KCNIP4: variants seen among roughly 807,000 people sequenced by gnomAD.
The protein encoded by KCNIP4 is Kv channel-interacting protein 4.
A neutral mutation model predicts 34.0 loss-of-function variants in KCNIP4; 12 were observed. That is an observed-to-expected ratio of 0.35 (90% CI 0.23 to 0.57). The LOEUF is 0.57. KCNIP4 is among the 20% of genes least tolerant of loss of function. The pLI is 0.83. For missense variants in KCNIP4, 238 were observed against 311.7 expected, an observed-to-expected ratio of 0.76 and a Z score of 1.78; for synonymous variants, 124 against 102.2, an observed-to-expected ratio of 1.21 and a Z score of -1.29.
chr4:21,433,129 G>A (rs1272837277), intron 1 of KCNIP4, among the ~76,000 whole-genome samples: 1 of 152,128 alleles, frequency 6.6e-6, no homozygotes, highest in African/African-American at 2.4e-5. Flanking sequence ...AGTAGGTGGA[G>A]TATAATTTAC....
chr4:21,617,616 A>G (rs1744696546), intron 1 of KCNIP4, among the ~76,000 whole-genome samples: 1 of 152,182 alleles, frequency 6.6e-6, no homozygotes, highest in Admixed American at 6.5e-5. Flanking sequence ...TTTTTACTTT[A>G]ATGTCTCCTA....
chr4:21,945,918 G>C (rs1352133794), intron 1 of KCNIP4, among the ~76,000 whole-genome samples: 2 of 150,760 alleles, frequency 1.3e-5, no homozygotes, highest in Non-Finnish European at 2.9e-5. Flanking sequence ...TTCTCTACTT[G>C]TATGTACTTA....
chr4:21,293,318 T>TG (rs1477581538), intron 1 of KCNIP4, among the ~76,000 whole-genome samples: 2 of 152,172 alleles, frequency 1.3e-5, no homozygotes, highest in Non-Finnish European at 1.5e-5. Flanking sequence ...AACTCTTAAA[T>TG]GAAGGAGGTA....
At chr4:20,998,359 G>A (rs1267388809) in intron 1 of KCNIP4, among the ~76,000 whole-genome samples, 1 of 152,144 alleles carries the variant, frequency 6.6e-6, no homozygotes, top group African/African-American at 2.4e-5. Context: ...GTGTGTACAG[G>A]GGCCATTTCT....
At chr4:21,443,286 T>C (rs1260583591) in intron 1 of KCNIP4, among the ~76,000 whole-genome samples, 1 of 152,148 alleles carries the variant, frequency 6.6e-6, no homozygotes, top group Non-Finnish European at 1.5e-5. Context: ...TTGCATGGCC[T>C]GAAAGTCCTG....
At chr4:21,540,000 A>G (rs915564571) in intron 1 of KCNIP4, among the ~76,000 whole-genome samples, 1 of 52,540 alleles carries the variant, frequency 1.9e-5, no homozygotes, top group African/African-American at 5.6e-5. Context: ...ACAAACAGAC[A>G]AAAAAAAAAA....
intron 1 of KCNIP4, among the ~76,000 whole-genome samples, chr4:21,556,960 C>T (rs1373868586): frequency 9.6e-6 from 1 of 104,570 alleles, no homozygotes; most frequent in Admixed American, 9.2e-5. Flanking sequence ...AACAAAAATG[C>T]ATCAGTAGAC....
chr4:21,890,150 T>A (rs1010764291), intron 1 of KCNIP4, among the ~76,000 whole-genome samples: 2 of 152,158 alleles, frequency 1.3e-5, no homozygotes, highest in Non-Finnish European at 2.9e-5. Flanking sequence ...CCGTATGTTA[T>A]AATTCACATC....
chr4:20,756,419 A>T (rs1244495213), intron 4 of KCNIP4, among the ~76,000 whole-genome samples: 1 of 152,036 alleles, frequency 6.6e-6, no homozygotes, highest in African/African-American at 2.4e-5. Flanking sequence ...TCTATCCTAA[A>T]GCTATTAACA....
chr4:21,774,062 G>A (rs10006785), intron 1 of KCNIP4, among the ~76,000 whole-genome samples: 55,921 of 151,576 alleles, frequency 0.37, 12,161 homozygotes, highest in Non-Finnish European at 0.51. Context: ...CTGTTTTTGC[G>A]GTGACTGGTA....
At chr4:21,573,393 T>C (rs1166676027) in intron 1 of KCNIP4, among the ~76,000 whole-genome samples, 1 of 152,198 alleles carries the variant, frequency 6.6e-6, no homozygotes, top group Non-Finnish European at 1.5e-5. Context: ...TTTTTCTCTC[T>C]TAAGCACCTT....
In KCNIP4 at chr4:20,934,859, T is replaced by C. The variant is rs193018331; in HGVS notation, c.62-52150A>G. Among the ~76,000 whole-genome samples, 344 of 152,320 alleles carry C rather than the reference T, an allele frequency of 2.3e-3. 2 individuals carry two copies. The highest frequency in any genetic ancestry group is 0.01 in the Middle Eastern group (3 of 294). On this transcript the variant is annotated intron_variant, in intron 1 of 8. Coordinates refer to ENST00000382152, the MANE Select transcript of KCNIP4 (RefSeq NM_025221.6). ...ACTGCAATTTATTCTCTCACAGCCC[T>C]GGAGGCTGGAAGTCTGAAATCAAGG...
rs923307466 is a variant in KCNIP4, at chr4:21,104,213, G to A, written c.62-221504C>T. On this transcript the variant is annotated intron_variant, in intron 1 of 8. Coordinates refer to ENST00000382152, the MANE Select transcript of KCNIP4 (RefSeq NM_025221.6). ...GAACTAGTTTACAGTCCCACCAACA[G>A]TATAAAAGTGTTCCTATTTCTCCAC... Among the ~76,000 whole-genome samples, 126 of 152,000 alleles carry A rather than the reference G, an allele frequency of 8.3e-4. 1 individual carries two copies. Among genetic ancestry groups the A allele is most frequent in the African/African-American group, 2.8e-3 (117 of 41,384 alleles).
chr4:20,978,968 T>C (rs1323098258), intron 1 of KCNIP4, among the ~76,000 whole-genome samples: 1 of 152,166 alleles, frequency 6.6e-6, no homozygotes, highest in Non-Finnish European at 1.5e-5. Context: ...TTATTAAAGT[T>C]AGATAATGAA....
At chr4:20,923,867 T>C (rs1462197391) in intron 1 of KCNIP4, among the ~76,000 whole-genome samples, 1 of 152,140 alleles carries the variant, frequency 6.6e-6, no homozygotes, top group Non-Finnish European at 1.5e-5. Context: ...AAATTTTTTT[T>C]TTCAAAGTTC....
At chr4:21,758,410 CT>C (rs1457338649) in intron 1 of KCNIP4, among the ~76,000 whole-genome samples, 6 of 152,194 alleles carry the variant, frequency 3.9e-5, no homozygotes, top group Non-Finnish European at 7.3e-5. Flanking sequence ...CCACATGTCT[CT>C]TTGAGGAAGT....
chr4:20,942,094 T>C (rs1449097306), intron 1 of KCNIP4, among the ~76,000 whole-genome samples: 3 of 152,164 alleles, frequency 2.0e-5, no homozygotes, highest in Non-Finnish European at 4.4e-5. Flanking sequence ...TAACAAACAC[T>C]AGGAAGAAAG....
rs539419444 is a variant in KCNIP4 at position 21,483,207 on chromosome 4, C to G, written c.61+465364G>C. On this transcript the variant is annotated intron_variant, in intron 1 of 8. Coordinates refer to ENST00000382152, the MANE Select transcript of KCNIP4 (RefSeq NM_025221.6). The stretch of plus-strand genomic sequence containing the variant: ...AAACCTGCATGTTGTGCACATGTAC[C>G]CTACAACTTAAAGTATAATTTAAAT... Among the ~76,000 whole-genome samples the G allele has an allele frequency of 1.0e-3, 154 of 150,304 alleles. 1 individual carries two copies. Among genetic ancestry groups the G allele is most frequent in the African/African-American group, 3.6e-3 (148 of 41,052 alleles).
At chr4:21,658,967 T>C (rs757108443) in intron 1 of KCNIP4, among the ~76,000 whole-genome samples, 6 of 152,228 alleles carry the variant, frequency 3.9e-5, no homozygotes, top group Non-Finnish European at 7.3e-5. Flanking sequence ...ATGTATTCTA[T>C]AGATAAAACT....
Sources: gnomAD v4.1 joint callset for allele counts (sites outside exome capture counted in the v4.1 genomes callset) on GRCh38, gnomAD v4.1.1 for gene constraint, MANE v1.5 for transcripts, NCBI Gene and HGNC (gene_info 2026-07-23, HGNC 2026-07-21) for gene names.